CSMD3: variants seen among roughly 807,000 people sequenced by gnomAD.
CSMD3 encodes the protein CUB and Sushi multiple domains 3.
In CSMD3, 177 loss-of-function variants were observed where a neutral mutation model predicts 435.2. The ratio of observed to expected loss-of-function variants is 0.41; its 90% CI spans 0.36 to 0.46. The LOEUF is 0.46. Among genes scored for constraint, CSMD3 ranks in the 20% least tolerant of loss-of-function variants. The pLI, the probability that CSMD3 is intolerant of heterozygous loss-of-function variation, is 0.34. For synonymous variants in CSMD3, 1,656 were observed against 1,520.5 expected, an observed-to-expected ratio of 1.09 and a Z score of -2.07; for missense variants, 4,265 against 4,504.6, an observed-to-expected ratio of 0.95 and a Z score of 1.52.
At position 113,105,871 on chromosome 8, in the gene CSMD3, C is replaced by T. The variant is rs530444463; in HGVS notation, c.710-6908G>A. ...TAAATATCTTAAAATTCACAATGTT[C>T]AATATACAGTTAAAAAAAAAAGTAC... On this transcript the variant is annotated intron_variant, in intron 4 of 70. Coordinates refer to ENST00000297405, the MANE Select transcript of CSMD3 (RefSeq NM_198123.2). Among the ~76,000 whole-genome samples, 13 of 101,504 alleles carry T rather than the reference C, an allele frequency of 1.3e-4. No individual in the cohort carries two copies. In the South Asian group the frequency reaches 4.1e-3, roughly 32 times the overall value. The allele number at this position is 101,504 out of a possible 152,430, so 66.6% of individuals were successfully genotyped here. A position where few individuals can be genotyped will look rare whatever the true frequency, so the allele number is the denominator to read the frequency against.
intron 42 of CSMD3, among the ~76,000 whole-genome samples, chr8:112,340,660 AT>A (rs1825002877): frequency 6.6e-6 from 1 of 152,178 alleles, no homozygotes; most frequent in East Asian, 1.9e-4. Flanking sequence ...TATGTAAAAT[AT>A]CATTTTAATA....
intron 13 of CSMD3, among the ~76,000 whole-genome samples, chr8:112,750,276 G>C (rs2077537003): frequency 6.6e-6 from 1 of 151,234 alleles, no homozygotes; most frequent in Non-Finnish European, 1.5e-5. Context: ...TTATATTATT[G>C]TATAAAATGT....
At chr8:112,951,195 G>T (rs2083796034) in intron 8 of CSMD3, among the ~76,000 whole-genome samples, 1 of 151,774 alleles carries the variant, frequency 6.6e-6, no homozygotes, top group Non-Finnish European at 1.5e-5. Context: ...ACAATTAAAT[G>T]AAGTTAGTAT....
At chr8:112,308,901 A>T (rs940454706) in intron 50 of CSMD3, among the ~76,000 whole-genome samples, 9 of 152,072 alleles carry the variant, frequency 5.9e-5, no homozygotes, top group Admixed American at 5.9e-4. Flanking sequence ...GTTGAAATAA[A>T]AGGTGCATTA....
chr8:113,406,489 A>G (rs2094533342), intron 1 of CSMD3, among the ~76,000 whole-genome samples: 1 of 152,048 alleles, frequency 6.6e-6, no homozygotes. Flanking sequence ...GTTACTAAGA[A>G]CAAATAATGT....
chr8:112,526,810 T>C (rs1213604173), intron 27 of CSMD3, among the ~76,000 whole-genome samples: 1 of 151,934 alleles, frequency 6.6e-6, no homozygotes, highest in Admixed American at 6.6e-5. Context: ...AATGAAAACA[T>C]GCCCCAAAGA....
intron 3 of CSMD3, among the ~76,000 whole-genome samples, chr8:113,262,673 T>C (rs1470132505): frequency 6.6e-6 from 1 of 152,014 alleles, no homozygotes; most frequent in East Asian, 1.9e-4. Flanking sequence ...AAGTCATGGA[T>C]AGGAACCAAA....
At position 112,751,045 on chromosome 8, in the gene CSMD3, C is replaced by T. The variant is rs1036003607; in HGVS notation, c.1972+49117G>A. On this transcript the variant is annotated intron_variant, in intron 13 of 70. Coordinates refer to ENST00000297405, the MANE Select transcript of CSMD3 (RefSeq NM_198123.2). ...TCCTTGAAACAATCCCCTAGTATAC[C>T]AAGGGATGACAGTATAGTAGCTTTG... Among the ~76,000 whole-genome samples, 3 of 150,316 alleles carry T rather than the reference C, an allele frequency of 2.0e-5. No individual in the cohort carries two copies. In the Admixed American group the frequency reaches 2.0e-4, roughly 10 times the overall value.
intron 18 of CSMD3, among the ~76,000 whole-genome samples, chr8:112,651,774 G>A (rs1455346388): frequency 6.6e-6 from 1 of 151,812 alleles, no homozygotes; most frequent in Non-Finnish European, 1.5e-5. Flanking sequence ...CTGACCTTGT[G>A]ATCTTCCTGC....
At chr8:112,666,222 C>T (rs2131706218) in intron 17 of CSMD3, 55 bp downstream of exon 17, 1 of 1,318,270 alleles carries the variant, frequency 7.6e-7, no homozygotes, top group Non-Finnish European at 1.1e-6. Flanking sequence ...AAGAGAATGT[C>T]AACTAATCTT....
chr8:112,436,595 CA>C (rs1004858299), intron 32 of CSMD3, among the ~76,000 whole-genome samples: 3 of 151,068 alleles, frequency 2.0e-5, no homozygotes, highest in African/African-American at 7.3e-5. Context: ...TATATGTATA[CA>C]AAAAAGTGTA....
At chr8:112,713,729 C>T (rs113159953) in intron 13 of CSMD3, among the ~76,000 whole-genome samples, 2,906 of 152,304 alleles carry the variant, frequency 0.019, 54 homozygotes, top group Middle Eastern at 0.048. Flanking sequence ...GATCTCTCAG[C>T]AGAAACCCTG....
intron 1 of CSMD3, among the ~76,000 whole-genome samples, chr8:113,374,067 CT>C (rs1417420318): frequency 1.3e-5 from 2 of 151,944 alleles, no homozygotes; most frequent in African/African-American, 4.8e-5. Context: ...ATATATCTAG[CT>C]ATATAATATC....
At chr8:113,067,910 C>T (rs1588005473) in intron 5 of CSMD3, among the ~76,000 whole-genome samples, 1 of 152,020 alleles carries the variant, frequency 6.6e-6, no homozygotes, top group Non-Finnish European at 1.5e-5. Context: ...GGGCAACATT[C>T]TGCTTCAGTG....
At chr8:112,979,052 T>C (rs1378796163) in intron 6 of CSMD3, among the ~76,000 whole-genome samples, 1 of 151,928 alleles carries the variant, frequency 6.6e-6, no homozygotes, top group South Asian at 2.1e-4. Flanking sequence ...GAACATAAAA[T>C]TTTGGTTTTA....
chr8:113,000,095 A>G (rs958880824), intron 6 of CSMD3, among the ~76,000 whole-genome samples: 1 of 152,044 alleles, frequency 6.6e-6, no homozygotes, highest in Non-Finnish European at 1.5e-5. Context: ...AATAGAGATC[A>G]GAAATCTGAG....
At position 112,292,689 on chromosome 8, in the gene CSMD3, C is replaced by T. The variant is rs1819885243; in HGVS notation, c.8636G>A (p.Gly2879Asp). The change falls in exon 55 of 71, where the codon GGT (glycine) becomes GAT (aspartate). Residue 2879 changes from glycine to aspartate, a missense_variant. This residue lies in a region of CSMD3 where 3,255 missense variants were observed against 3,380.2 expected (regional missense o/e 0.96). Transcript: ENST00000297405. ...SCVPVSCGHP[G>D]SPIYGRTSGN... is the part of the protein sequence containing the mutation. The stretch of plus-strand genomic sequence containing the variant: ...ACTTGTTCTTCCATAAATTGGACTA[C>T]CAGGGTGACCACAGCTAACAGCTAA... The T allele has an allele frequency of 6.2e-7, 1 of 1,613,658 alleles. No individual in the cohort carries two copies. The highest frequency in any genetic ancestry group is 1.3e-5 in the African/African-American group (1 of 74,992).
intron 3 of CSMD3, among the ~76,000 whole-genome samples, chr8:113,206,328 T>C (rs993037213): frequency 6.6e-6 from 1 of 152,210 alleles, no homozygotes; most frequent in African/African-American, 2.4e-5. Context: ...CAAAATTCTA[T>C]ACTCTTTTTC....
intron 27 of CSMD3, 67 bp downstream of exon 27, chr8:112,550,604 A>G: frequency 1.2e-6 from 1 of 831,598 alleles, no homozygotes; most frequent in Non-Finnish European, 2.0e-6. Context: ...TTTGAACAGT[A>G]AAGTTAACAT....
Sources: gnomAD v4.1 joint callset for allele counts (sites outside exome capture counted in the v4.1 genomes callset) on GRCh38, gnomAD v4.1.1 for gene constraint, gnomAD v4.1.1 regional missense constraint, MANE v1.5 for transcripts, NCBI Gene and HGNC (gene_info 2026-07-23, HGNC 2026-07-21) for gene names.